The following GNA12 variants were observed in gnomAD, a reference collection of about 807,000 sequenced individuals.
The protein encoded by GNA12 is G protein subunit alpha 12, also known as guanine nucleotide-binding protein subunit alpha-12.
A neutral mutation model predicts 26.0 loss-of-function variants in GNA12; 9 were observed. That is an observed-to-expected ratio of 0.35 (90% CI 0.21 to 0.60). The LOEUF (loss-of-function observed/expected upper bound fraction) is 0.60. Among genes scored for constraint, GNA12 ranks in the 20% least tolerant of loss-of-function variants. GNA12 has a pLI of 0.78. For synonymous variants in GNA12, 264 were observed against 219.6 expected (o/e 1.20, Z -1.79); for missense variants, 405 against 525.8 (o/e 0.77, Z 2.25).
chr7:2,780,092 A>ATATATATATATATG (rs1792190975), intron 2 of GNA12, among the ~76,000 whole-genome samples: 1 of 125,534 alleles, frequency 8.0e-6, no homozygotes, highest in Admixed American at 8.4e-5. Flanking sequence ...ATATATATAT[A>ATATATATATATATG]TGCCTGTTTT....
intron 1 of GNA12, among the ~76,000 whole-genome samples, chr7:2,823,779 T>G (rs1175165164): frequency 6.6e-6 from 1 of 152,112 alleles, no homozygotes; most frequent in Admixed American, 6.6e-5. Flanking sequence ...TAAAACCCAA[T>G]GCAAATGAGT....
chr7:2,780,104 C>G (rs1383795942), intron 2 of GNA12, among the ~76,000 whole-genome samples: 1 of 78,508 alleles, frequency 1.3e-5, no homozygotes, highest in Non-Finnish European at 2.5e-5. Flanking sequence ...GCCTGTTTTC[C>G]CTTCTAAACA....
intron 2 of GNA12, among the ~76,000 whole-genome samples, chr7:2,734,511 A>C (rs1239662063): frequency 6.6e-6 from 1 of 152,198 alleles, no homozygotes; most frequent in Non-Finnish European, 1.5e-5. Flanking sequence ...GAGAATTTTA[A>C]GGAGAGAAGG....
At chr7:2,776,566 G>C (rs1455148821) in intron 2 of GNA12, among the ~76,000 whole-genome samples, 2 of 152,240 alleles carry the variant, frequency 1.3e-5, no homozygotes, top group East Asian at 3.9e-4. Flanking sequence ...TTCCTGTTTT[G>C]TGGATCAGGG....
chr7:2,803,019 GA>G (rs1308340443), intron 1 of GNA12, among the ~76,000 whole-genome samples: 1 of 152,150 alleles, frequency 6.6e-6, no homozygotes, highest in Non-Finnish European at 1.5e-5. Context: ...ATTTCTCTAA[GA>G]AAGCCCCCTC....
chr7:2,817,626 G>A (rs1255242867), intron 1 of GNA12, among the ~76,000 whole-genome samples: 1 of 152,138 alleles, frequency 6.6e-6, no homozygotes, highest in Non-Finnish European at 1.5e-5. Flanking sequence ...CATGGACTCT[G>A]ACTTTTGGCC....
At chr7:2,834,306 C>G (rs1198281419) in intron 1 of GNA12, among the ~76,000 whole-genome samples, 1 of 152,224 alleles carries the variant, frequency 6.6e-6, no homozygotes, top group Non-Finnish European at 1.5e-5. Context: ...CAAAGGCCAG[C>G]TCAAATCACA....
At chr7:2,757,274 C>T (rs1451049670) in intron 2 of GNA12, among the ~76,000 whole-genome samples, 1 of 56 alleles carries the variant, frequency 0.018, no homozygotes, top group Non-Finnish European at 0.045. Flanking sequence ...TAGCTGGGAC[C>T]GCAGCGCCCG....
chr7:2,837,008 G>A (rs902111265), intron 1 of GNA12, among the ~76,000 whole-genome samples: 1 of 152,150 alleles, frequency 6.6e-6, no homozygotes, highest in Non-Finnish European at 1.5e-5. Context: ...TGGAATTGAG[G>A]GGGAAATTGA....
At chr7:2,735,956 A>G (rs1015428146) in intron 2 of GNA12, among the ~76,000 whole-genome samples, 9 of 151,894 alleles carry the variant, frequency 5.9e-5, no homozygotes, top group African/African-American at 1.9e-4. Flanking sequence ...TCACATCCGC[A>G]CTCTTGCTGT....
chr7:2,758,433 C>G (rs1007852545), intron 2 of GNA12, among the ~76,000 whole-genome samples: 6 of 152,182 alleles, frequency 3.9e-5, no homozygotes, highest in Admixed American at 1.3e-4. Flanking sequence ...TTCATGTGTT[C>G]TGTGCTGTCA....
intron 1 of GNA12, among the ~76,000 whole-genome samples, chr7:2,805,722 G>A (rs762784357): frequency 1.3e-5 from 2 of 152,206 alleles, no homozygotes; most frequent in Non-Finnish European, 2.9e-5. Context: ...ATTAAAATCT[G>A]GAAGTATGGG....
At chr7:2,751,857 T>C (rs1228736385) in intron 2 of GNA12, among the ~76,000 whole-genome samples, 1 of 152,136 alleles carries the variant, frequency 6.6e-6, no homozygotes, top group Non-Finnish European at 1.5e-5. Flanking sequence ...CTGGATTTGT[T>C]CTAAAACAAC....
chr7:2,733,790 G>A (rs754874078), intron 2 of GNA12, among the ~76,000 whole-genome samples: 4 of 152,196 alleles, frequency 2.6e-5, no homozygotes, highest in African/African-American at 2.4e-5. Context: ...CCCTCTGATG[G>A]GGGACTCTCT....
chr7:2,810,901 AAAAG>A (rs35629917), intron 1 of GNA12, among the ~76,000 whole-genome samples: 25,113 of 149,798 alleles, frequency 0.17, 2,182 homozygotes, highest in Middle Eastern at 0.23. Context: ...TCTGTCTTAA[AAAAG>A]AAAGAAAGAA....
At chr7:2,793,198 G>A (rs1411134016) in intron 2 of GNA12, among the ~76,000 whole-genome samples, 3 of 152,196 alleles carry the variant, frequency 2.0e-5, no homozygotes, top group African/African-American at 4.8e-5. Flanking sequence ...AAAGATCAAG[G>A]AGCTATCATG....
chr7:2,817,311 G>A (rs1187081125), intron 1 of GNA12, among the ~76,000 whole-genome samples: 1 of 152,106 alleles, frequency 6.6e-6, no homozygotes, highest in East Asian at 1.9e-4. Flanking sequence ...TCACCACATT[G>A]GCCAGGCTGG....
In GNA12 at chr7:2,744,969, A is replaced by C. The variant is rs150935282; in HGVS notation, c.526-11468T>G. Reference sequence around the variant, plus strand: ...TGAAGTGAGAAGAGAAGCTTAGAGAAAAAAGAATAAAAAGAAACGAACAAG... The same window carrying C: ...TGAAGTGAGAAGAGAAGCTTAGAGACAAAAGAATAAAAAGAAACGAACAAG... On this transcript the variant is annotated intron_variant, in intron 2 of 3. Coordinates refer to ENST00000275364, the MANE Select transcript of GNA12 (RefSeq NM_007353.3). Among the ~76,000 whole-genome samples, 510 of 152,328 alleles carry C rather than the reference A, an allele frequency of 3.3e-3. 4 individuals are homozygous for C. The highest frequency in any genetic ancestry group is 0.012 in the African/African-American group (479 of 41,576).
chr7:2,737,264 GTT>G (rs201866976), intron 2 of GNA12, among the ~76,000 whole-genome samples: 1 of 52,452 alleles, frequency 1.9e-5, no homozygotes, highest in Non-Finnish European at 4.0e-5. Context: ...CTATCTCACA[GTT>G]TTGTTTTGTT....
Sources: allele counts gnomAD v4.1 joint callset (sites outside exome capture counted in the v4.1 genomes callset), GRCh38; gene constraint gnomAD v4.1.1; transcripts MANE v1.5; gene names NCBI Gene and HGNC (gene_info 2026-07-23, HGNC 2026-07-21).